Variants in LINGO2 observed in about 807,000 individuals in gnomAD.
LINGO2 encodes leucine rich repeat and Ig domain containing 2, also known as leucine-rich repeat and immunoglobulin-like domain-containing nogo receptor-interacting protein 2.
Under a neutral mutation model 30.6 loss-of-function variants are expected in LINGO2, and 14 were observed. The observed-to-expected ratio is 0.46, with a 90% CI of 0.30 to 0.72. The LOEUF is 0.72. Among genes scored for constraint, LINGO2 ranks in the 30% least tolerant of loss-of-function variants. The probability of loss-of-function intolerance (pLI) is 0.07; values close to 1 mark genes in which losing one functional copy is unlikely to be tolerated. For synonymous variants in LINGO2, 317 were observed against 288.5 expected (o/e 1.10, Z -1.00); for missense variants, 729 against 751.7 (o/e 0.97, Z 0.35).
At chr9:28,711,905 T>C in the LINGO2 span, among the ~76,000 whole-genome samples, 90 of 152,152 alleles carry the variant, frequency 5.9e-4, 2 homozygotes, top group Non-Finnish European at 2.9e-5. Flanking sequence ...GCAATGAGTC[T>C]ATTAAAGACA....
At chr9:28,877,565 T>C in the LINGO2 span, among the ~76,000 whole-genome samples, 1 of 151,874 alleles carries the variant, frequency 6.6e-6, no homozygotes, top group South Asian at 2.1e-4. Context: ...TAGTTGTAGA[T>C]ATGCAGCGTT....
chr9:28,572,098 T>C (rs1823723547), intron 1 of LINGO2, among the ~76,000 whole-genome samples: 1 of 152,092 alleles, frequency 6.6e-6, no homozygotes, highest in Non-Finnish European at 1.5e-5. Flanking sequence ...GTTCTTGGCA[T>C]GTAAGTCCCT....
At chr9:29,070,171 G>A in the LINGO2 span, among the ~76,000 whole-genome samples, 2 of 151,894 alleles carry the variant, frequency 1.3e-5, no homozygotes, top group Non-Finnish European at 2.9e-5. Context: ...GACTCCCTAT[G>A]AGGAACCTGA....
chr9:28,314,288 C>T (rs926245630), intron 3 of LINGO2, among the ~76,000 whole-genome samples: 2 of 152,076 alleles, frequency 1.3e-5, no homozygotes, highest in African/African-American at 4.8e-5. Context: ...GCATGAAATA[C>T]TACACTTAAA....
chr9:28,054,295 C>A (rs1320750858), intron 4 of LINGO2, among the ~76,000 whole-genome samples: 2 of 152,126 alleles, frequency 1.3e-5, no homozygotes, highest in Non-Finnish European at 2.9e-5. Flanking sequence ...GCAGGAGCTA[C>A]AGCTGCATCT....
chr9:29,162,151 C>T, the LINGO2 span, among the ~76,000 whole-genome samples: 1 of 152,054 alleles, frequency 6.6e-6, no homozygotes, highest in Non-Finnish European at 1.5e-5. Context: ...AACTCCTGGC[C>T]TCAAGTGATC....
At chr9:28,324,858 C>G (rs1326836841) in intron 3 of LINGO2, among the ~76,000 whole-genome samples, 1 of 152,132 alleles carries the variant, frequency 6.6e-6, no homozygotes, top group East Asian at 1.9e-4. Context: ...AGTAGCCATT[C>G]TTTTATTTCT....
chr9:28,658,022 G>A (rs981286106), intron 1 of LINGO2, among the ~76,000 whole-genome samples: 3 of 151,756 alleles, frequency 2.0e-5, no homozygotes, highest in African/African-American at 7.3e-5. Context: ...TGGTTTGAGT[G>A]TATTGTTTAA....
intron 4 of LINGO2, among the ~76,000 whole-genome samples, chr9:28,089,013 A>G (rs1825996888): frequency 6.6e-6 from 1 of 152,220 alleles, no homozygotes; most frequent in African/African-American, 2.4e-5. Context: ...AAGAAGAGCT[A>G]ACTATCCTAA....
intron 4 of LINGO2, among the ~76,000 whole-genome samples, chr9:28,045,344 A>G (rs1824371738): frequency 6.6e-6 from 1 of 152,186 alleles, no homozygotes; most frequent in Non-Finnish European, 1.5e-5. Context: ...GACTGCTTAA[A>G]CTGGAAGAAA....
At chr9:28,033,479 T>C (rs1250503834) in intron 4 of LINGO2, among the ~76,000 whole-genome samples, 1 of 152,068 alleles carries the variant, frequency 6.6e-6, no homozygotes, top group Non-Finnish European at 1.5e-5. Context: ...ACAGCTTTAG[T>C]TGGTGGGAAG....
At chr9:28,769,273 C>T in the LINGO2 span, among the ~76,000 whole-genome samples, 131 of 150,852 alleles carry the variant, frequency 8.7e-4, 1 homozygote, top group Admixed American at 2.6e-3. Context: ...AGGTATTCTG[C>T]ATATATAAAA....
intron 1 of LINGO2, among the ~76,000 whole-genome samples, chr9:28,506,122 T>G (rs1820099953): frequency 6.6e-6 from 1 of 151,634 alleles, no homozygotes; most frequent in African/African-American, 2.4e-5. Flanking sequence ...TAGTTTATAT[T>G]GATCTTCACA....
Position 28,544,654 on chromosome 9 carries a change from A to G in LINGO2, c.-364-68629T>C, listed in dbSNP as rs200917942. ...CAGAAGCTGTTACAACAAGAAGAAT[A>G]GCAAAATGCATTACTAGCATCATAT... On this transcript the variant is annotated intron_variant, in intron 1 of 5. Coordinates refer to ENST00000379992, the Ensembl canonical transcript of LINGO2. Among the ~76,000 whole-genome samples the G allele has an allele frequency of 7.7e-3, 1,164 of 151,956 alleles. 38 individuals carry two copies. The East Asian group carries it at 0.097, about 13-fold the overall frequency.
chr9:28,089,563 CA>C (rs1272749413), intron 4 of LINGO2, among the ~76,000 whole-genome samples: 19 of 152,236 alleles, frequency 1.2e-4, no homozygotes, highest in African/African-American at 4.1e-4. Flanking sequence ...ACATTTAAAG[CA>C]GTGTGTAGAG....
At chr9:28,262,094 C>A (rs1301853718) in intron 4 of LINGO2, among the ~76,000 whole-genome samples, 1 of 151,862 alleles carries the variant, frequency 6.6e-6, no homozygotes, top group East Asian at 1.9e-4. Context: ...TATGTAAAAT[C>A]TTCCTTTTAG....
At chr9:28,152,110 C>A (rs893971477) in intron 4 of LINGO2, among the ~76,000 whole-genome samples, 1 of 152,128 alleles carries the variant, frequency 6.6e-6, no homozygotes, top group Non-Finnish European at 1.5e-5. Flanking sequence ...GGATATTTAA[C>A]CTTCAAATCC....
chr9:28,110,767 A>C (rs1321068452), intron 4 of LINGO2, among the ~76,000 whole-genome samples: 2 of 152,194 alleles, frequency 1.3e-5, no homozygotes, highest in African/African-American at 4.8e-5. Flanking sequence ...GAGAAATAAG[A>C]ATGTTTTTAC....
At chr9:28,679,136 G>A in the LINGO2 span, among the ~76,000 whole-genome samples, 3,640 of 151,948 alleles carry the variant, frequency 0.024, 147 homozygotes, top group African/African-American at 0.081. Context: ...AATTCTTGGC[G>A]GGTCATCTCA....
Sources: allele counts gnomAD v4.1 joint callset (sites outside exome capture counted in the v4.1 genomes callset), GRCh38; gene constraint gnomAD v4.1.1; transcripts MANE v1.5; gene names NCBI Gene and HGNC (gene_info 2026-07-23, HGNC 2026-07-21).